Variants in DLGAP1 observed in about 807,000 individuals in gnomAD.
DLGAP1 encodes the protein disks large-associated protein 1.
In DLGAP1, 11 loss-of-function variants were observed where a neutral mutation model predicts 90.8. The observed-to-expected ratio is 0.12, with a 90% CI of 0.08 to 0.20. The LOEUF is 0.20. Ranked by LOEUF, DLGAP1 falls within the 10% of genes least tolerant of loss-of-function variation. DLGAP1 has a pLI of 1.00. For synonymous variants in DLGAP1, 558 were observed against 540.7 expected, an observed-to-expected ratio of 1.03 and a Z score of -0.44; for missense variants, 1,050 against 1,333.8, an observed-to-expected ratio of 0.79 and a Z score of 3.31.
intron 9 of DLGAP1, among the ~76,000 whole-genome samples, chr18:3,536,206 C>T (rs2052366533): frequency 6.7e-6 from 1 of 149,764 alleles, no homozygotes; most frequent in Non-Finnish European, 1.5e-5. Context: ...TTCTTTCTTT[C>T]CTTTCTTACT....
rs1452803118 is a variant in DLGAP1 at position 3,547,245 on chromosome 18, C to T, written c.2058-12630G>A. ...GAACCCCCGGGGGCGGAGCCTGCAG[C>T]AAGCCGAGATCGCGCCACTGCACTC... On this transcript the variant is annotated intron_variant, in intron 9 of 12. Coordinates refer to ENST00000315677, the MANE Select transcript of DLGAP1 (RefSeq NM_004746.4). Among the ~76,000 whole-genome samples, 85 of 134,850 alleles carry T rather than the reference C, an allele frequency of 6.3e-4. 1 individual carries two copies. Among genetic ancestry groups the T allele is most frequent in the Middle Eastern group, 9.3e-3 (2 of 216 alleles). 88.5% of individuals were successfully genotyped at this position (134,850 alleles called of 152,430 possible). A position where few individuals can be genotyped will look rare whatever the true frequency, so the allele number is the denominator to read the frequency against.
intron 10 of DLGAP1, among the ~76,000 whole-genome samples, chr18:3,522,452 T>C (rs1445172822): frequency 3.3e-5 from 5 of 151,438 alleles, no homozygotes; most frequent in African/African-American, 7.3e-5. Flanking sequence ...CCTAGCTTTT[T>C]CCCCCAATGT....
chr18:4,235,229 T>C (rs2078383552), intron 1 of DLGAP1, among the ~76,000 whole-genome samples: 4 of 152,318 alleles, frequency 2.6e-5, no homozygotes, highest in Admixed American at 1.3e-4. Context: ...GCCCACCACA[T>C]AGTGGACACC....
At chr18:4,272,605 A>G (rs2079308275) in intron 1 of DLGAP1, among the ~76,000 whole-genome samples, 1 of 152,194 alleles carries the variant, frequency 6.6e-6, no homozygotes, top group African/African-American at 2.4e-5. Flanking sequence ...GCAGGCCACC[A>G]TGAGATCAGA....
At chr18:4,012,715 GTTC>G (rs1322435493) in intron 2 of DLGAP1, among the ~76,000 whole-genome samples, 1 of 146,510 alleles carries the variant, frequency 6.8e-6, no homozygotes, top group Non-Finnish European at 1.5e-5. Flanking sequence ...GATTGCTCCT[GTTC>G]TTTTTTTTTT....
intron 6 of DLGAP1, among the ~76,000 whole-genome samples, chr18:3,741,281 T>TCAC (rs577827342): frequency 1.1e-4 from 5 of 47,616 alleles, no homozygotes; most frequent in Non-Finnish European, 1.1e-4. Flanking sequence ...CACATCACCA[T>TCAC]CACCACCACC....
intron 1 of DLGAP1, among the ~76,000 whole-genome samples, chr18:4,424,771 T>A (rs2083115334): frequency 6.6e-6 from 1 of 152,188 alleles, no homozygotes; most frequent in Admixed American, 6.5e-5. Flanking sequence ...TTTTTCTTTT[T>A]GTTTTTGAGG....
chr18:3,815,252 C>T (rs1477088566), intron 4 of DLGAP1, among the ~76,000 whole-genome samples: 1 of 152,202 alleles, frequency 6.6e-6, no homozygotes, highest in Non-Finnish European at 1.5e-5. Context: ...TCTCTACCAG[C>T]TGCATTTACT....
chr18:3,900,220 T>A (rs2071751348), intron 3 of DLGAP1, among the ~76,000 whole-genome samples: 1 of 152,180 alleles, frequency 6.6e-6, no homozygotes, highest in Non-Finnish European at 1.5e-5. Flanking sequence ...AAAGGGAATC[T>A]GATATTGGCA....
At chr18:4,343,312 A>G (rs942248218) in intron 1 of DLGAP1, among the ~76,000 whole-genome samples, 8 of 151,878 alleles carry the variant, frequency 5.3e-5, no homozygotes, top group African/African-American at 1.7e-4. Flanking sequence ...TTCTCAAAAA[A>G]AAAAAAAAAA....
chr18:4,097,888 T>C (rs1403978096), intron 2 of DLGAP1, among the ~76,000 whole-genome samples: 1 of 152,216 alleles, frequency 6.6e-6, no homozygotes, highest in Non-Finnish European at 1.5e-5. Flanking sequence ...TTTTAATCTC[T>C]CATATAATTG....
chr18:3,508,353 CT>C (rs2050360804), intron 11 of DLGAP1, among the ~76,000 whole-genome samples: 1 of 152,066 alleles, frequency 6.6e-6, no homozygotes, highest in Admixed American at 6.5e-5. Context: ...TTTAACTTGA[CT>C]GAATTTTTTC....
At chr18:4,324,419 G>A (rs2080768947) in intron 1 of DLGAP1, among the ~76,000 whole-genome samples, 1 of 151,746 alleles carries the variant, frequency 6.6e-6, no homozygotes, top group South Asian at 2.1e-4. Flanking sequence ...TGGATTCACA[G>A]CCAAATTCTG....
intron 2 of DLGAP1, among the ~76,000 whole-genome samples, chr18:4,083,766 G>A (rs1334488015): frequency 6.6e-6 from 1 of 152,148 alleles, no homozygotes; most frequent in Non-Finnish European, 1.5e-5. Context: ...AGGTCATGGG[G>A]AGCGTGGGCT....
intron 7 of DLGAP1, among the ~76,000 whole-genome samples, chr18:3,627,248 G>A (rs2058329946): frequency 6.6e-6 from 1 of 152,094 alleles, no homozygotes; most frequent in South Asian, 2.1e-4. Context: ...CCTAGTGCTA[G>A]TAATTTTTTG....
chr18:3,678,451 GCTTA>G (rs2060391763), intron 7 of DLGAP1, among the ~76,000 whole-genome samples: 1 of 151,990 alleles, frequency 6.6e-6, no homozygotes, highest in Non-Finnish European at 1.5e-5. Flanking sequence ...CGTTGTGTTT[GCTTA>G]CTTATTTTAT....
intron 3 of DLGAP1, among the ~76,000 whole-genome samples, chr18:3,909,315 C>A (rs1178122080): frequency 6.6e-6 from 1 of 152,172 alleles, no homozygotes; most frequent in Non-Finnish European, 1.5e-5. Flanking sequence ...ATTCAAGACT[C>A]AAGATCCCAA....
intron 1 of DLGAP1, among the ~76,000 whole-genome samples, chr18:4,160,785 C>T (rs1390554309): frequency 6.6e-6 from 1 of 152,032 alleles, no homozygotes; most frequent in Non-Finnish European, 1.5e-5. Flanking sequence ...TTATTTAATT[C>T]CTTAATATAA....
chr18:3,845,660 G>A lies in DLGAP1; in HGVS notation c.958-31387C>T, dbSNP rs142968760. The A allele has an allele frequency of 6.6e-3, 6,257 of 946,866 alleles. 15 individuals carry two copies. Among genetic ancestry groups the A allele is most frequent in the Middle Eastern group, 7.6e-3 (14 of 1,840 alleles). The allele number at this position is 946,866 out of a possible 1,614,324, so 58.7% of individuals were successfully genotyped here. ...ATTGATCACTTTGCAGCCCATATAG[G>A]GGGTAACGTATATTCTGTCAAATGG... On this transcript the variant is annotated intron_variant, in intron 4 of 12. Transcript: ENST00000315677.
Sources: allele counts gnomAD v4.1 joint callset (sites outside exome capture counted in the v4.1 genomes callset), GRCh38; gene constraint gnomAD v4.1.1; transcripts MANE v1.5; gene names NCBI Gene and HGNC (gene_info 2026-07-23, HGNC 2026-07-21).